The following DEFA3 variants were observed in gnomAD, a reference collection of about 807,000 sequenced individuals.
The protein encoded by DEFA3 is defensin alpha 3, also known as neutrophil defensin 3.
For missense variants in DEFA3, 8 were observed against 128.1 expected (o/e 0.06, Z 4.53); for synonymous variants, 3 against 47.2 (o/e 0.06, Z 3.84).
At chr8:7,016,259 C>A (rs1810964809) in intron 2 of DEFA3, among the ~76,000 whole-genome samples, 160 bp from the exon 3 acceptor site, 1 of 152,242 alleles carries the variant, frequency 6.6e-6, no homozygotes, top group African/African-American at 2.4e-5. Flanking sequence ...CAGAGCAGTG[C>A]TTGTCACACA....
rs4841813 is a variant in DEFA3 at position 7,015,924 on chromosome 8, G to T, written c.*66C>A. 128,511 of 1,134,052 alleles carry T rather than the reference G, an allele frequency of 0.11. 945 individuals carry two copies. The highest frequency in any genetic ancestry group is 0.2 in the East Asian group (7,506 of 37,676). The allele number at this position is 1,134,052 out of a possible 1,614,324, so 70.2% of individuals were successfully genotyped here. A position where few individuals can be genotyped will look rare whatever the true frequency, so the allele number is the denominator to read the frequency against. ...GAAAGGAAATTGAGCAGAAGGTACA[G>T]GAGTAATAGCAATTCCCTGTAGCTC... On this transcript the variant is annotated 3_prime_UTR_variant, in exon 3 of 3. Coordinates refer to ENST00000327857, the MANE Select transcript of DEFA3 (RefSeq NM_005217.4).
chr8:7,016,097 A>G lies in DEFA3; in HGVS notation c.178T>C (p.Ser60Pro). The G allele has an allele frequency of 7.0e-7, 1 of 1,436,174 alleles. No homozygotes were observed. Among genetic ancestry groups the G allele is most frequent in the Non-Finnish European group, 9.5e-7 (1 of 1,051,556 alleles). 89.0% of individuals were successfully genotyped at this position (1,436,174 alleles called of 1,614,324 possible). ...DESLAPKHPG[S>P]RKNMDCYCRI... ...CAATAGCAGTCCATGTTTTTCCTTG[A>G]GCCTGGGACAGGGAGAGCATGAGAA... The change falls in exon 3 of 3, where the codon TCA becomes CCA. Residue 60 changes from serine to proline, a missense_variant and splice_region_variant. Ser to Pro is a moderately conservative substitution (Grantham distance 74, BLOSUM62 -1). Transcript: ENST00000327857.
Position 7,015,910 on chromosome 8 carries a change from G to C in DEFA3, c.*80C>G, listed in dbSNP as rs1585077054. On this transcript the variant is annotated 3_prime_UTR_variant, in exon 3 of 3. Transcript: ENST00000327857. Reference sequence around the variant, plus strand: ...TTATTTGAGATGAGGAAAGGAAATTGAGCAGAAGGTACAGGAGTAATAGCA... The same window carrying C: ...TTATTTGAGATGAGGAAAGGAAATTCAGCAGAAGGTACAGGAGTAATAGCA... The C allele has an allele frequency of 1.7e-5, 20 of 1,190,066 alleles. No homozygotes were observed. In the South Asian group the frequency reaches 2.4e-4, roughly 14 times the overall value. 73.7% of individuals were successfully genotyped at this position (1,190,066 alleles called of 1,614,324 possible). A position where few individuals can be genotyped will look rare whatever the true frequency, so the allele number is the denominator to read the frequency against.
At chr8:7,017,269 C>T (rs1367642638) in intron 1 of DEFA3, among the ~76,000 whole-genome samples, 2 of 112,954 alleles carry the variant, frequency 1.8e-5, no homozygotes, top group African/African-American at 6.1e-5. Flanking sequence ...GGTCTAGATT[C>T]TGGTGTCCTA....
intron 1 of DEFA3, 109 bp from the exon 2 acceptor site, chr8:7,016,971 G>A: frequency 7.9e-7 from 1 of 1,258,542 alleles, no homozygotes. Flanking sequence ...CAATCTCAGT[G>A]AGAGGAGGTG....
chr8:7,016,258 G>C (rs1810964734), intron 2 of DEFA3, among the ~76,000 whole-genome samples, 159 bp from the exon 3 acceptor site: 2 of 152,350 alleles, frequency 1.3e-5, no homozygotes, highest in South Asian at 4.2e-4. Context: ...GCAGAGCAGT[G>C]CTTGTCACAC....
At chr8:7,018,008 G>GGAAATGT (rs1811051634) in intron 1 of DEFA3, among the ~76,000 whole-genome samples, 1 of 66,902 alleles carries the variant, frequency 1.5e-5, no homozygotes, top group Non-Finnish European at 3.2e-5. Flanking sequence ...ATGTCAACCA[G>GGAAATGT]GACATGTGTG....
chr8:7,018,174 C>G (rs1200352341), intron 1 of DEFA3, 48 bp downstream of exon 1: 7 of 150,652 alleles, frequency 4.6e-5, no homozygotes, highest in African/African-American at 1.5e-4. Context: ...GGAGGCATAG[C>G]TTCAATGATG....
chr8:7,016,479 C>T (rs1348330987), intron 2 of DEFA3, among the ~76,000 whole-genome samples, 197 bp downstream of exon 2: 1 of 147,750 alleles, frequency 6.8e-6, no homozygotes, highest in Non-Finnish European at 1.5e-5. Flanking sequence ...ACAGATGTTT[C>T]TTGGAATCAA....
intron 1 of DEFA3, among the ~76,000 whole-genome samples, chr8:7,017,845 C>T (rs944168916): frequency 6.6e-6 from 1 of 152,064 alleles, no homozygotes; most frequent in African/African-American, 2.4e-5. Context: ...TTTGCAAAAC[C>T]TACATGGCAG....
chr8:7,018,139 C>T (rs62487508), intron 1 of DEFA3, 83 bp downstream of exon 1: 13,993 of 148,482 alleles, frequency 0.094, 1,627 homozygotes, highest in Non-Finnish European at 0.14. Flanking sequence ...CCCTCTGGGG[C>T]GGCCCCACAG....
In DEFA3 at chr8:7,018,179, A is replaced by G. The variant is rs896438362; in HGVS notation, c.-13+43T>C. The G allele has an allele frequency of 3.3e-5, 5 of 150,606 alleles. 1 individual carries two copies. The highest frequency in any genetic ancestry group is 1.2e-4 in the African/African-American group (5 of 40,660). 9.3% of individuals were successfully genotyped at this position (150,606 alleles called of 1,614,324 possible). On this transcript the variant is annotated intron_variant, in intron 1 of 2. Transcript: ENST00000327857. The stretch of plus-strand genomic sequence containing the variant: ...AGGTCAGATTGGAGGCATAGCTTCA[A>G]TGATGAAAACTCAGTGTAAAGTTTA...
At chr8:7,016,317 C>G (rs1810968453) in intron 2 of DEFA3, among the ~76,000 whole-genome samples, 1 of 151,948 alleles carries the variant, frequency 6.6e-6, no homozygotes, top group Non-Finnish European at 1.5e-5. Context: ...ATTCCTGCCC[C>G]ATCACACACA....
intron 1 of DEFA3, among the ~76,000 whole-genome samples, chr8:7,017,313 TC>T (rs1811016802): frequency 9.4e-6 from 1 of 106,848 alleles, no homozygotes; most frequent in South Asian, 3.4e-4. Flanking sequence ...GTAATTCACT[TC>T]AGGATTCAGG....
At chr8:7,018,036 T>A (rs1239185484) in intron 1 of DEFA3, among the ~76,000 whole-genome samples, 186 bp downstream of exon 1, 1 of 150,606 alleles carries the variant, frequency 6.6e-6, no homozygotes, top group East Asian at 1.9e-4. Context: ...GGAAACTGCT[T>A]GAGTTTCTCT....
At chr8:7,018,134 T>C (rs1043470770) in intron 1 of DEFA3, 88 bp downstream of exon 1, 12 of 150,672 alleles carry the variant, frequency 8.0e-5, no homozygotes, top group African/African-American at 3.0e-4. Context: ...TGGGTCCCTC[T>C]GGGGCGGCCC....
chr8:7,017,058 A>T lies in DEFA3; in HGVS notation c.-12-196T>A, dbSNP rs546322741. On this transcript the variant is annotated intron_variant, in intron 1 of 2. Coordinates refer to ENST00000327857, the MANE Select transcript of DEFA3 (RefSeq NM_005217.4). ...TTCTCCCAGTTTCATGCTAGTATAC[A>T]TCTGTACCTTTAATGTCTGTGCTAG... Among the ~76,000 whole-genome samples, 190 of 132,150 alleles carry T rather than the reference A, an allele frequency of 1.4e-3. 2 individuals are homozygous for T. The highest frequency in any genetic ancestry group is 2.5e-3 in the Non-Finnish European group (142 of 56,710). 86.7% of individuals were successfully genotyped at this position (132,150 alleles called of 152,430 possible). A position where few individuals can be genotyped will look rare whatever the true frequency, so the allele number is the denominator to read the frequency against.
At chr8:7,017,963 A>T (rs1811048772) in intron 1 of DEFA3, among the ~76,000 whole-genome samples, 1 of 152,088 alleles carries the variant, frequency 6.6e-6, no homozygotes, top group Admixed American at 6.5e-5. Context: ...CTCTCAAAAG[A>T]ATGTTCCAAA....
chr8:7,016,310 C>A (rs1320808340), intron 2 of DEFA3, among the ~76,000 whole-genome samples: 1 of 152,062 alleles, frequency 6.6e-6, no homozygotes, highest in Non-Finnish European at 1.5e-5. Context: ...TTTTTGCATT[C>A]CTGCCCCATC....
Sources: allele counts gnomAD v4.1 joint callset (sites outside exome capture counted in the v4.1 genomes callset), GRCh38; gene constraint gnomAD v4.1.1; transcripts MANE v1.5; gene names NCBI Gene and HGNC (gene_info 2026-07-23, HGNC 2026-07-21).